Variants in ZC3H12B observed in about 807,000 individuals in gnomAD.
ZC3H12B encodes the protein probable ribonuclease ZC3H12B.
A neutral mutation model predicts 43.9 loss-of-function variants in ZC3H12B; 7 were observed. The observed-to-expected ratio is 0.16, with a 90% CI of 0.09 to 0.30. The LOEUF (loss-of-function observed/expected upper bound fraction) is 0.30, where lower values mean the gene tolerates loss of function less well. Among genes scored for constraint, ZC3H12B ranks in the 10% least tolerant of loss-of-function variants. ZC3H12B has a pLI of 1.00. For missense variants in ZC3H12B, 475 were observed against 670.2 expected (o/e 0.71, Z 3.22); for synonymous variants, 222 against 241.7 (o/e 0.92, Z 0.76).
At chrX:65,172,496 C>T in the ZC3H12B span, among the ~76,000 whole-genome samples, 1 of 112,306 alleles carries the variant, frequency 8.9e-6, no homozygotes, top group African/African-American at 3.2e-5. Flanking sequence ...GTCATGAAGA[C>T]TTTGCCCATA....
chrX:65,084,570 C>A, the ZC3H12B span, among the ~76,000 whole-genome samples: 127 of 112,268 alleles, frequency 1.1e-3, 1 homozygote, highest in African/African-American at 3.8e-3. Flanking sequence ...TCATCTCACC[C>A]CAGTTAAAAT....
At chrX:65,311,201 G>T in the ZC3H12B span, among the ~76,000 whole-genome samples, 66 of 111,703 alleles carry the variant, frequency 5.9e-4, no homozygotes, top group Non-Finnish European at 1.3e-4. Flanking sequence ...CCATTAGAGT[G>T]AACAGGCAAC....
At chrX:65,187,614 AC>A in the ZC3H12B span, among the ~76,000 whole-genome samples, 1 of 109,762 alleles carries the variant, frequency 9.1e-6, no homozygotes, top group Non-Finnish European at 1.9e-5. Flanking sequence ...AACCGCAATT[AC>A]TTTTGCACCA....
At chrX:65,239,879 C>G in the ZC3H12B span, among the ~76,000 whole-genome samples, 1 of 110,612 alleles carries the variant, frequency 9.0e-6, no homozygotes, top group Non-Finnish European at 1.9e-5. Flanking sequence ...ATTTTTTTTT[C>G]TTTAAGAATG....
the ZC3H12B span, among the ~76,000 whole-genome samples, chrX:65,128,219 C>T: frequency 2.0e-3 from 227 of 112,159 alleles, no homozygotes; most frequent in African/African-American, 6.8e-3. Flanking sequence ...GTGTAATAAT[C>T]ACATCATGGA....
the ZC3H12B span, among the ~76,000 whole-genome samples, chrX:65,129,266 T>C: frequency 2.2e-5 from 2 of 91,011 alleles, no homozygotes; most frequent in Non-Finnish European, 3.9e-5. Context: ...TGTATATATA[T>C]ATATATACAT....
chrX:65,081,520 A>G, the ZC3H12B span, among the ~76,000 whole-genome samples: 1 of 112,051 alleles, frequency 8.9e-6, no homozygotes, highest in Non-Finnish European at 1.9e-5. Flanking sequence ...CAAGATAAAA[A>G]CTGTAAGAAG....
intron 2 of ZC3H12B, among the ~76,000 whole-genome samples, chrX:65,385,415 T>C (rs1260091970): frequency 1.8e-5 from 2 of 111,768 alleles, no homozygotes; most frequent in African/African-American, 6.5e-5. Flanking sequence ...GAAGCCATTG[T>C]GAATGGGAGT....
the ZC3H12B span, among the ~76,000 whole-genome samples, chrX:65,270,306 G>T: frequency 9.0e-6 from 1 of 111,674 alleles, no homozygotes; most frequent in South Asian, 3.7e-4. Flanking sequence ...TCAATAAATG[G>T]TGTTGGGAAA....
the ZC3H12B span, among the ~76,000 whole-genome samples, chrX:65,118,413 G>A: frequency 1.8e-5 from 2 of 111,719 alleles, no homozygotes; most frequent in South Asian, 3.7e-4. Context: ...CATTGATTTT[G>A]TATCCTGAGA....
the ZC3H12B span, among the ~76,000 whole-genome samples, chrX:65,309,864 T>G: frequency 2.7e-5 from 3 of 112,189 alleles, no homozygotes; most frequent in African/African-American, 9.7e-5. Flanking sequence ...TCAATAAACA[T>G]AATCCATCAC....
the ZC3H12B span, among the ~76,000 whole-genome samples, chrX:65,243,388 A>T: frequency 8.9e-6 from 1 of 112,244 alleles, no homozygotes; most frequent in African/African-American, 3.2e-5. Flanking sequence ...TATTTATCAC[A>T]GAAATGCAAA....
At chrX:65,340,699 C>T in the ZC3H12B span, among the ~76,000 whole-genome samples, 1 of 112,070 alleles carries the variant, frequency 8.9e-6, no homozygotes, top group Non-Finnish European at 1.9e-5. Flanking sequence ...AAGAAAAAAA[C>T]TCATCCAAAG....
the ZC3H12B span, among the ~76,000 whole-genome samples, chrX:65,308,611 T>C: frequency 9.0e-6 from 1 of 111,460 alleles, no homozygotes; most frequent in African/African-American, 3.3e-5. Context: ...TATCCAGGAC[T>C]TGAACTCAGC....
Position 65,453,395 on chromosome X carries a change from T to A in ZC3H12B, n.408-35251T>A, listed in dbSNP as rs1385050221. Among the ~76,000 whole-genome samples, 391 of 86,699 alleles carry A rather than the reference T, an allele frequency of 4.5e-3. 2 individuals are homozygous for A. The highest frequency in any genetic ancestry group is 0.017 in the Middle Eastern group (3 of 176). 75.3% of individuals were successfully genotyped at this position (86,699 alleles called of 115,157 possible). A position where few individuals can be genotyped will look rare whatever the true frequency, so the allele number is the denominator to read the frequency against. On this transcript the variant is annotated intron_variant and non_coding_transcript_variant, in intron 3 of 5. Transcript: ENST00000617377. Reference sequence around the variant, plus strand: ...ATATATATATATATATATATATATATATATATATAAAATAGAATAGTAATC... The same window carrying A: ...ATATATATATATATATATATATATAAATATATATAAAATAGAATAGTAATC...
the ZC3H12B span, among the ~76,000 whole-genome samples, chrX:65,075,309 G>A: frequency 8.9e-6 from 1 of 112,321 alleles, no homozygotes; most frequent in Non-Finnish European, 1.9e-5. Flanking sequence ...TAAAGTAAAA[G>A]AAGTTTCTTG....
At chrX:65,226,742 A>G in the ZC3H12B span, among the ~76,000 whole-genome samples, 1 of 111,547 alleles carries the variant, frequency 9.0e-6, no homozygotes, top group Non-Finnish European at 1.9e-5. Flanking sequence ...CTAGTCTCTG[A>G]TAAAACAGAC....
chrX:65,262,199 C>G, the ZC3H12B span, among the ~76,000 whole-genome samples: 1 of 110,775 alleles, frequency 9.0e-6, no homozygotes, highest in Non-Finnish European at 1.9e-5. Flanking sequence ...TTCTGATAAC[C>G]AGGAAACTAA....
the ZC3H12B span, among the ~76,000 whole-genome samples, chrX:65,064,860 CTCT>C: frequency 8.9e-6 from 1 of 111,858 alleles, no homozygotes; most frequent in African/African-American, 3.3e-5. Context: ...GGATAGTTAG[CTCT>C]TCTTCTTGTA....
Sources: gnomAD v4.1 joint callset for allele counts (sites outside exome capture counted in the v4.1 genomes callset) on GRCh38, gnomAD v4.1.1 for gene constraint, MANE v1.5 for transcripts, NCBI Gene and HGNC (gene_info 2026-07-23, HGNC 2026-07-21) for gene names.